RCAN2: variants seen among roughly 807,000 people sequenced by gnomAD.
The protein encoded by RCAN2 is calcipressin-2.
Under a neutral mutation model 23.6 loss-of-function variants are expected in RCAN2, and 9 were observed. That is an observed-to-expected ratio of 0.38 (90% confidence interval 0.23 to 0.67). The LOEUF is 0.67. Among genes scored for constraint, RCAN2 ranks in the 30% least tolerant of loss-of-function variants. The pLI is 0.51. For missense variants in RCAN2, 273 were observed against 302.3 expected (o/e 0.90, Z 0.72); for synonymous variants, 109 against 115.7 (o/e 0.94, Z 0.37).
chr6:46,306,313 T>C (rs995748954), intron 2 of RCAN2, among the ~76,000 whole-genome samples: 1 of 152,080 alleles, frequency 6.6e-6, no homozygotes, highest in Non-Finnish European at 1.5e-5. Context: ...CAACCATAAC[T>C]GTGTTATGAT....
Position 46,221,542 on chromosome 6 carries a change from A to C in RCAN2, c.*1599T>G, listed in dbSNP as rs1003116499. ...ATGGAAACTCAGGATTTTACAAGCA[A>C]TGCTCTCCTCAGTTTCACCAGTACT... On this transcript the variant is annotated 3_prime_UTR_variant, in exon 5 of 5. Coordinates refer to ENST00000371374, the MANE Select transcript of RCAN2 (RefSeq NM_001251974.2). 1 of 171,798 alleles carries C rather than the reference A, an allele frequency of 5.8e-6. No individual in the cohort carries two copies. The highest frequency in any genetic ancestry group is 1.2e-5 in the Non-Finnish European group (1 of 81,182). The allele number at this position is 171,798 out of a possible 1,614,324, so 10.6% of individuals were successfully genotyped here.
At chr6:46,304,304 T>C (rs1000780728) in intron 2 of RCAN2, among the ~76,000 whole-genome samples, 1 of 152,192 alleles carries the variant, frequency 6.6e-6, no homozygotes. Flanking sequence ...ATGATTTCTT[T>C]ATATATTCTG....
intron 2 of RCAN2, among the ~76,000 whole-genome samples, 154 bp from the exon 3 acceptor site, chr6:46,249,050 C>T (rs1766619045): frequency 2.0e-5 from 3 of 151,824 alleles, no homozygotes; most frequent in African/African-American, 7.2e-5. Context: ...ATCTGTAGAT[C>T]TGTTGCCAGG....
At chr6:46,261,384 C>T (rs1299862225) in intron 2 of RCAN2, among the ~76,000 whole-genome samples, 1 of 152,170 alleles carries the variant, frequency 6.6e-6, no homozygotes, top group East Asian at 1.9e-4. Flanking sequence ...AGTTTCCTTA[C>T]TATAAAATAG....
chr6:46,328,968 A>G (rs1039863854), intron 2 of RCAN2, among the ~76,000 whole-genome samples: 7 of 152,158 alleles, frequency 4.6e-5, no homozygotes, highest in Non-Finnish European at 1.5e-5. Flanking sequence ...TCTAGAATAT[A>G]GATACACTTT....
intron 2 of RCAN2, among the ~76,000 whole-genome samples, chr6:46,258,961 T>G (rs1767017934): frequency 6.6e-6 from 1 of 152,184 alleles, no homozygotes; most frequent in African/African-American, 2.4e-5. Flanking sequence ...CCAAGTATTA[T>G]GTAACCTGAA....
intron 2 of RCAN2, among the ~76,000 whole-genome samples, chr6:46,323,984 T>G (rs1273192076): frequency 6.6e-6 from 1 of 152,232 alleles, no homozygotes; most frequent in Non-Finnish European, 1.5e-5. Context: ...AGAAGGGAGC[T>G]GTGAAGTTTT....
intron 2 of RCAN2, among the ~76,000 whole-genome samples, chr6:46,274,987 G>C (rs553560051): frequency 1.3e-5 from 2 of 152,342 alleles, no homozygotes; most frequent in South Asian, 2.1e-4. Flanking sequence ...GGAACCAGCA[G>C]GCTGAGAATA....
intron 4 of RCAN2, among the ~76,000 whole-genome samples, chr6:46,230,856 G>A (rs1765860149): frequency 6.6e-6 from 1 of 152,192 alleles, no homozygotes; most frequent in African/African-American, 2.4e-5. Flanking sequence ...GCTGGGAGCT[G>A]TAGACTGGAG....
chr6:46,366,370 C>T, intron 2 of RCAN2, among the ~76,000 whole-genome samples: 1 of 152,224 alleles, frequency 6.6e-6, no homozygotes, highest in Middle Eastern at 3.4e-3. Flanking sequence ...TAAGAAGAGG[C>T]CATTTCTCTG....
intron 2 of RCAN2, among the ~76,000 whole-genome samples, chr6:46,370,623 A>G (rs957458856): frequency 2.0e-5 from 3 of 152,174 alleles, no homozygotes; most frequent in African/African-American, 7.2e-5. Context: ...CTTTGGCCCT[A>G]CAGGCAGTTA....
chr6:46,273,739 C>A (rs1171620000), intron 2 of RCAN2, among the ~76,000 whole-genome samples: 1 of 152,156 alleles, frequency 6.6e-6, no homozygotes, highest in Non-Finnish European at 1.5e-5. Flanking sequence ...GATTAATCAA[C>A]ATTGATTTGG....
chr6:46,466,956 C>T (rs572990554), intron 1 of RCAN2, among the ~76,000 whole-genome samples: 2 of 152,310 alleles, frequency 1.3e-5, no homozygotes, highest in South Asian at 2.1e-4. Flanking sequence ...CCCATTCCCA[C>T]CTATCAACAT....
chr6:46,407,221 G>A (rs1226827774), intron 2 of RCAN2, among the ~76,000 whole-genome samples: 1 of 152,196 alleles, frequency 6.6e-6, no homozygotes, highest in Non-Finnish European at 1.5e-5. Context: ...ACAACACAGG[G>A]AGAGTTCCCT....
intron 4 of RCAN2, among the ~76,000 whole-genome samples, chr6:46,237,605 T>C (rs6458499): frequency 0.79 from 119,611 of 152,106 alleles, 47,368 homozygotes; most frequent in African/African-American, 0.81. Context: ...CTTTAATGAT[T>C]GTCTTGACAA....
chr6:46,345,725 C>A (rs1582127317), intron 2 of RCAN2, among the ~76,000 whole-genome samples: 1 of 152,062 alleles, frequency 6.6e-6, no homozygotes, highest in East Asian at 1.9e-4. Flanking sequence ...CATGTGATGT[C>A]ACAACAGATT....
intron 1 of RCAN2, among the ~76,000 whole-genome samples, chr6:46,471,831 A>G: frequency 6.6e-6 from 1 of 152,158 alleles, no homozygotes; most frequent in Admixed American, 6.5e-5. Context: ...TAGATAATAC[A>G]TGTAAAGCAC....
intron 2 of RCAN2, among the ~76,000 whole-genome samples, chr6:46,317,889 T>G (rs1763492626): frequency 6.6e-6 from 1 of 152,224 alleles, no homozygotes; most frequent in Admixed American, 6.5e-5. Context: ...AAAAGGTAAC[T>G]TCTCTGAATA....
chr6:46,259,041 C>A (rs1767021152), intron 2 of RCAN2, among the ~76,000 whole-genome samples: 1 of 152,052 alleles, frequency 6.6e-6, no homozygotes, highest in Non-Finnish European at 1.5e-5. Flanking sequence ...AAAAAATTAG[C>A]CTGGCACAGT....
Sources: gnomAD v4.1 joint callset for allele counts (sites outside exome capture counted in the v4.1 genomes callset) on GRCh38, gnomAD v4.1.1 for gene constraint, MANE v1.5 for transcripts, NCBI Gene and HGNC (gene_info 2026-07-23, HGNC 2026-07-21) for gene names.